Variants in RALYL observed in about 807,000 individuals in gnomAD.
RALYL encodes RNA-binding Raly-like protein.
Under a neutral mutation model 35.1 loss-of-function variants are expected in RALYL, and 29 were observed. The ratio of observed to expected loss-of-function variants is 0.83; its 90% confidence interval spans 0.61 to 1.13. The LOEUF (loss-of-function observed/expected upper bound fraction) is 1.13. Ranked by LOEUF, RALYL falls within the 50% of genes most tolerant of loss-of-function variation. RALYL has a pLI of 0.00. For synonymous variants in RALYL, 120 were observed against 127.6 expected (o/e 0.94, Z 0.40); for missense variants, 359 against 360.4 (o/e 1.00, Z 0.03).
intron 2 of RALYL, among the ~76,000 whole-genome samples, chr8:84,761,043 T>C (rs1432475565): frequency 1.3e-5 from 2 of 152,030 alleles, no homozygotes; most frequent in East Asian, 1.9e-4. Flanking sequence ...ACCACACTTA[T>C]AAAAATATTG....
intron 1 of RALYL, among the ~76,000 whole-genome samples, chr8:84,513,159 C>A (rs1021487639): frequency 1.3e-5 from 2 of 151,996 alleles, no homozygotes; most frequent in African/African-American, 4.8e-5. Flanking sequence ...CATGAAATGT[C>A]GTCCATTTTT....
chr8:84,538,162 T>C (rs1008496151), intron 2 of RALYL, among the ~76,000 whole-genome samples: 3 of 152,238 alleles, frequency 2.0e-5, no homozygotes, highest in African/African-American at 4.8e-5. Context: ...GCCCCACATA[T>C]GATAGAAAGC....
chr8:84,440,326 G>C (rs1457544277), intron 1 of RALYL, among the ~76,000 whole-genome samples: 1 of 152,026 alleles, frequency 6.6e-6, no homozygotes, highest in Non-Finnish European at 1.5e-5. Context: ...CCCTAACTTT[G>C]TGAGAGACAA....
At chr8:84,661,943 T>G (rs1330534859) in intron 2 of RALYL, among the ~76,000 whole-genome samples, 5 of 132,926 alleles carry the variant, frequency 3.8e-5, no homozygotes, top group East Asian at 2.0e-4. Flanking sequence ...TTTGTTACTG[T>G]TTTTTTTTTT....
Position 84,623,056 on chromosome 8 carries a change from A to T in RALYL, c.256+93479A>T, listed in dbSNP as rs1048504777. Among the ~76,000 whole-genome samples, 12 of 152,302 alleles carry T rather than the reference A, an allele frequency of 7.9e-5. 1 individual carries two copies. Among genetic ancestry groups the T allele is most frequent in the Middle Eastern group, 6.8e-3 (2 of 294 alleles). On this transcript the variant is annotated intron_variant, in intron 2 of 8. Coordinates refer to ENST00000521268, the MANE Select transcript of RALYL (RefSeq NM_173848.7). ...TGACTGAAAGCCAGTTCTGATTATA[A>T]TAGACACAATTCTCAATGCTAAGTT... is the stretch of plus-strand genomic sequence containing the variant.
chr8:84,234,816 G>A (rs915109527), intron 1 of RALYL, among the ~76,000 whole-genome samples: 1 of 151,202 alleles, frequency 6.6e-6, no homozygotes, highest in Non-Finnish European at 1.5e-5. Flanking sequence ...CCAGGCTGGA[G>A]TGCAATGGCA....
intron 4 of RALYL, among the ~76,000 whole-genome samples, chr8:84,841,034 C>T (rs1391583716): frequency 4.6e-5 from 7 of 152,112 alleles, no homozygotes; most frequent in African/African-American, 9.7e-5. Context: ...TAAAGACCAT[C>T]GAGTCTAGGA....
chr8:84,551,872 C>A (rs2135438339), intron 2 of RALYL, among the ~76,000 whole-genome samples: 1 of 152,184 alleles, frequency 6.6e-6, no homozygotes, highest in Non-Finnish European at 1.5e-5. Context: ...GAAAAGGAAT[C>A]ATTTAATCTT....
chr8:84,721,433 T>A (rs1005657804), intron 2 of RALYL, among the ~76,000 whole-genome samples: 30 of 152,112 alleles, frequency 2.0e-4, no homozygotes, highest in Non-Finnish European at 7.4e-5. Context: ...ATATGCACAA[T>A]GTAATAGTTT....
intron 2 of RALYL, among the ~76,000 whole-genome samples, chr8:84,597,212 G>A (rs1334037516): frequency 1.3e-5 from 2 of 151,996 alleles, no homozygotes; most frequent in Non-Finnish European, 2.9e-5. Context: ...TATCACCGTG[G>A]CGCTTAGTTT....
intron 2 of RALYL, among the ~76,000 whole-genome samples, chr8:84,633,963 G>A (rs888370016): frequency 6.6e-6 from 1 of 151,778 alleles, no homozygotes; most frequent in African/African-American, 2.4e-5. Flanking sequence ...AATGTTGACT[G>A]ATGTTAAAAT....
intron 2 of RALYL, among the ~76,000 whole-genome samples, chr8:84,754,251 T>C (rs980804529): frequency 3.3e-5 from 5 of 149,632 alleles, no homozygotes; most frequent in Non-Finnish European, 7.4e-5. Flanking sequence ...TAAAGTATAA[T>C]AATAAAAAAA....
intron 2 of RALYL, among the ~76,000 whole-genome samples, chr8:84,698,905 T>C (rs1232719466): frequency 6.6e-6 from 1 of 152,122 alleles, no homozygotes; most frequent in Non-Finnish European, 1.5e-5. Flanking sequence ...AGCTACAATC[T>C]GGCCACTGAG....
At chr8:84,292,585 T>C (rs1838971924) in intron 1 of RALYL, among the ~76,000 whole-genome samples, 1 of 152,024 alleles carries the variant, frequency 6.6e-6, no homozygotes, top group South Asian at 2.1e-4. Flanking sequence ...CCTTGCTGGA[T>C]AAAACAAGTT....
intron 1 of RALYL, among the ~76,000 whole-genome samples, chr8:84,381,742 T>G (rs1458386916): frequency 6.6e-6 from 1 of 151,834 alleles, no homozygotes; most frequent in Non-Finnish European, 1.5e-5. Context: ...TTGTCCCTCA[T>G]CAAATGTATT....
chr8:84,667,962 G>A (rs953026240), intron 2 of RALYL, among the ~76,000 whole-genome samples: 4 of 152,126 alleles, frequency 2.6e-5, no homozygotes, highest in Non-Finnish European at 5.9e-5. Context: ...GCATGGTGGT[G>A]TGCAGGAAAA....
At chr8:84,490,957 A>T (rs2055222709) in intron 1 of RALYL, among the ~76,000 whole-genome samples, 1 of 151,774 alleles carries the variant, frequency 6.6e-6, no homozygotes, top group African/African-American at 2.4e-5. Context: ...GATTCCATTT[A>T]TTTTTGTGGT....
At chr8:84,267,918 A>AT (rs1474759531) in intron 1 of RALYL, among the ~76,000 whole-genome samples, 1 of 152,206 alleles carries the variant, frequency 6.6e-6, no homozygotes, top group East Asian at 1.9e-4. Flanking sequence ...ACTATGCTAG[A>AT]TTCAGTATCA....
chr8:84,785,246 C>A (rs760332937), intron 3 of RALYL, among the ~76,000 whole-genome samples: 6 of 152,162 alleles, frequency 3.9e-5, no homozygotes, highest in Non-Finnish European at 8.8e-5. Context: ...ATTATCTCCT[C>A]TTCCCACTCA....
Sources: allele counts gnomAD v4.1 joint callset (sites outside exome capture counted in the v4.1 genomes callset), GRCh38; gene constraint gnomAD v4.1.1; transcripts MANE v1.5; gene names NCBI Gene and HGNC (gene_info 2026-07-23, HGNC 2026-07-21).